The following SV2C variants were observed in gnomAD, a reference collection of about 807,000 sequenced individuals.
SV2C encodes the protein solute carrier family 22 member B3.
Under a neutral mutation model 79.7 loss-of-function variants are expected in SV2C, and 49 were observed. The observed-to-expected ratio is 0.61, with a 90% CI of 0.49 to 0.78. The LOEUF (loss-of-function observed/expected upper bound fraction) is 0.78, where lower values mean the gene tolerates loss of function less well. Among genes scored for constraint, SV2C ranks in the 30% least tolerant of loss-of-function variants. The pLI is 0.00. For missense variants in SV2C, 833 were observed against 912.9 expected, an observed-to-expected ratio of 0.91 and a Z score of 1.13; for synonymous variants, 334 against 333.2, an observed-to-expected ratio of 1.00 and a Z score of -0.03.
chr5:75,899,613 G>T, the SV2C span, among the ~76,000 whole-genome samples: 1 of 151,876 alleles, frequency 6.6e-6, no homozygotes, highest in Non-Finnish European at 1.5e-5. Context: ...TCAATTCCTG[G>T]GTACCCTTGT....
the SV2C span, among the ~76,000 whole-genome samples, chr5:76,039,654 G>T: frequency 6.6e-6 from 1 of 151,628 alleles, no homozygotes; most frequent in Non-Finnish European, 1.5e-5. Flanking sequence ...TACTCGAGAG[G>T]CAGGGGCAGG....
At chr5:76,217,552 GAT>G (rs1184221498) in intron 4 of SV2C, among the ~76,000 whole-genome samples, 6 of 152,170 alleles carry the variant, frequency 3.9e-5, no homozygotes, top group Admixed American at 2.6e-4. Context: ...TTGTAGTAAG[GAT>G]TAAGCAAAAT....
intron 12 of SV2C, among the ~76,000 whole-genome samples, chr5:76,302,470 C>CA (rs200695007): frequency 7.3e-4 from 110 of 150,302 alleles, no homozygotes; most frequent in East Asian, 6.0e-3. Context: ...ACTAAAAATA[C>CA]AAAAAAAAAC....
At chr5:76,093,802 T>C (rs376415764) in intron 1 of SV2C, among the ~76,000 whole-genome samples, 1,082 of 99,134 alleles carry the variant, frequency 0.011, 12 homozygotes, top group African/African-American at 0.066. Context: ...TGGGCTCTTA[T>C]CAAATTATTT....
intron 4 of SV2C, among the ~76,000 whole-genome samples, chr5:76,215,888 G>A (rs1744897305): frequency 6.7e-6 from 1 of 148,846 alleles, no homozygotes; most frequent in Admixed American, 6.7e-5. Flanking sequence ...CGCTGTTTCT[G>A]GGTGTCGCCG....
intron 3 of SV2C, among the ~76,000 whole-genome samples, chr5:76,197,157 T>C (rs981028613): frequency 1.3e-5 from 2 of 152,246 alleles, no homozygotes; most frequent in African/African-American, 4.8e-5. Context: ...CTTTGCATTG[T>C]TACCTTGGAG....
the SV2C span, among the ~76,000 whole-genome samples, chr5:76,041,871 C>T: frequency 6.6e-6 from 1 of 152,178 alleles, no homozygotes; most frequent in Non-Finnish European, 1.5e-5. Context: ...AGCTGCACCA[C>T]AGGACTTCGA....
chr5:76,318,389 G>A (rs1320799740), intron 12 of SV2C, among the ~76,000 whole-genome samples: 1 of 152,098 alleles, frequency 6.6e-6, no homozygotes, highest in Non-Finnish European at 1.5e-5. Context: ...CTGCACTCCA[G>A]CCTGGGCAAT....
At position 76,161,631 on chromosome 5, in the gene SV2C, A is replaced by T. The variant is rs538139876; in HGVS notation, c.580+29301A>T. On this transcript the variant is annotated intron_variant, in intron 2 of 12. Transcript: ENST00000502798. ...ATTACAGGTACAAGCCACCACACTC[A>T]GCCTAGGTACAGGACTTATTTTGAG... 3.9e-5 allele frequency among the ~76,000 whole-genome samples: 6 copies of T among 152,266 alleles called. No individual in the cohort carries two copies. The South Asian group carries it at 1.0e-3, about 26-fold the overall frequency.
the SV2C span, among the ~76,000 whole-genome samples, chr5:76,035,547 C>T: frequency 7.2e-5 from 11 of 152,046 alleles, no homozygotes; most frequent in South Asian, 2.1e-4. Context: ...AGTTTCCATG[C>T]AGTTGAGTGG....
chr5:75,879,124 C>T, the SV2C span, among the ~76,000 whole-genome samples: 3 of 152,142 alleles, frequency 2.0e-5, no homozygotes, highest in African/African-American at 4.8e-5. Context: ...GATTCAAACA[C>T]CTCCCACAAG....
intron 2 of SV2C, among the ~76,000 whole-genome samples, chr5:76,170,145 A>G (rs1743177778): frequency 6.6e-6 from 1 of 150,922 alleles, no homozygotes; most frequent in Admixed American, 6.6e-5. Context: ...GGCCACCTCA[A>G]AGTAGTTGTA....
chr5:75,855,148 A>G, the SV2C span, among the ~76,000 whole-genome samples: 1 of 152,142 alleles, frequency 6.6e-6, no homozygotes, highest in Non-Finnish European at 1.5e-5. Context: ...CAATTTCTAG[A>G]AAAATTCCTG....
intron 6 of SV2C, among the ~76,000 whole-genome samples, chr5:76,289,548 T>C (rs1747481624): frequency 6.6e-6 from 1 of 152,214 alleles, no homozygotes; most frequent in South Asian, 2.1e-4. Context: ...CCAAAAACTA[T>C]ATTCTTTCTT....
At chr5:76,262,938 C>A (rs1009722339) in intron 4 of SV2C, among the ~76,000 whole-genome samples, 19 of 152,312 alleles carry the variant, frequency 1.2e-4, no homozygotes, top group Admixed American at 4.6e-4. Flanking sequence ...CTGTAGATGT[C>A]TATTAGGTCC....
intron 1 of SV2C, among the ~76,000 whole-genome samples, chr5:76,115,754 G>A (rs1748244922): frequency 6.6e-6 from 1 of 152,158 alleles, no homozygotes; most frequent in African/African-American, 2.4e-5. Flanking sequence ...CATTCTTCTA[G>A]ATCTTGTCAC....
chr5:75,874,076 AC>A, the SV2C span, among the ~76,000 whole-genome samples: 1 of 152,176 alleles, frequency 6.6e-6, no homozygotes, highest in African/African-American at 2.4e-5. Flanking sequence ...TCATCCTGAT[AC>A]CAAAACCTGG....
the SV2C span, among the ~76,000 whole-genome samples, chr5:76,073,020 G>A: frequency 6.6e-6 from 1 of 152,168 alleles, no homozygotes; most frequent in Non-Finnish European, 1.5e-5. Flanking sequence ...TGTATAGATT[G>A]TGAAGATTGT....
the SV2C span, among the ~76,000 whole-genome samples, chr5:76,071,330 C>A: frequency 6.6e-6 from 1 of 152,128 alleles, no homozygotes; most frequent in Non-Finnish European, 1.5e-5. Context: ...TATAAAAGAA[C>A]CTGCAGTTCT....
Sources: gnomAD v4.1 joint callset for allele counts (sites outside exome capture counted in the v4.1 genomes callset) on GRCh38, gnomAD v4.1.1 for gene constraint, MANE v1.5 for transcripts, NCBI Gene and HGNC (gene_info 2026-07-23, HGNC 2026-07-21) for gene names.